CTDP1: variants seen among roughly 807,000 people sequenced by gnomAD.
CTDP1 encodes the protein CTD phosphatase 1, also known as RNA polymerase II subunit A C-terminal domain phosphatase.
Under a neutral mutation model 91.8 loss-of-function variants are expected in CTDP1, and 47 were observed. That is an observed-to-expected ratio of 0.51 (90% confidence interval 0.41 to 0.65). CTDP1 has a LOEUF of 0.65. CTDP1 is among the 30% of genes least tolerant of loss of function. CTDP1 has a pLI of 0.00. For missense variants in CTDP1, 1,272 were observed against 1,373.7 expected, an observed-to-expected ratio of 0.93 and a Z score of 1.17; for synonymous variants, 656 against 598.5, an observed-to-expected ratio of 1.10 and a Z score of -1.40.
chr18:79,749,218 T>A (rs1311890777), intron 12 of CTDP1, among the ~76,000 whole-genome samples: 1 of 152,144 alleles, frequency 6.6e-6, no homozygotes, highest in East Asian at 1.9e-4. Flanking sequence ...AGAAAAGAAT[T>A]GTTGGAACTG....
At chr18:79,750,884 T>C (rs919132517) in intron 12 of CTDP1, among the ~76,000 whole-genome samples, 10 of 150,674 alleles carry the variant, frequency 6.6e-5, no homozygotes, top group African/African-American at 2.5e-4. Flanking sequence ...GGTCCCAGTA[T>C]GTGATGAAAG....
Position 79,715,495 on chromosome 18 carries a change from G to C in CTDP1, c.2035G>C (p.Asp679His). ...TRLVLSPDAPDRATHLIAARA... is the reference protein window; with the variant it reads ...TRLVLSPDAPHRATHLIAARA... ...GCTGGTGCTGAGCCCCGACGCCCCT[G>C]ACAGGGCCACGCACCTGATCGCCGC... The change falls in exon 8 of 13, where the codon GAC becomes CAC. Residue 679 changes from aspartate to histidine, a missense_variant. Asp to His is a moderately conservative substitution (Grantham distance 81). Around this residue, in one of 3 missense-constraint regions of CTDP1, gnomAD observed 881 missense variants for 911.6 expected, o/e 0.97. Coordinates refer to ENST00000613122, the MANE Select transcript of CTDP1 (RefSeq NM_004715.5). 1 of 1,573,592 alleles carries C rather than the reference G, an allele frequency of 6.4e-7. No individual in the cohort carries two copies. Among genetic ancestry groups the C allele is most frequent in the Non-Finnish European group, 8.6e-7 (1 of 1,161,960 alleles).
chr18:79,685,061 G>C, intron 1 of CTDP1, among the ~76,000 whole-genome samples: 1 of 43,482 alleles, frequency 2.3e-5, no homozygotes, highest in Non-Finnish European at 5.0e-5. Flanking sequence ...TGCTCCTTAC[G>C]GGGTGTGAGG....
intron 1 of CTDP1, among the ~76,000 whole-genome samples, chr18:79,688,551 C>T (rs534038512): frequency 6.6e-6 from 1 of 152,290 alleles, no homozygotes; most frequent in South Asian, 2.1e-4. Flanking sequence ...AGGCGTGAGC[C>T]ACCGCGCCCA....
rs575050831 is a variant in CTDP1 at position 79,720,561 on chromosome 18, C to T, written c.2417+2545C>T. ...TAGCGCATTCTGGTGATGATGTCAC[C>T]TCCCATCGTGTCCTGGTGATGTCAC... On this transcript the variant is annotated intron_variant, in intron 10 of 12. Coordinates refer to ENST00000613122, the MANE Select transcript of CTDP1 (RefSeq NM_004715.5). Among the ~76,000 whole-genome samples, 5 of 152,222 alleles carry T rather than the reference C, an allele frequency of 3.3e-5. No individual in the cohort carries two copies. The South Asian group carries it at 1.0e-3, about 32-fold the overall frequency.
chr18:79,742,770 CA>C (rs2086805132), intron 12 of CTDP1, among the ~76,000 whole-genome samples: 2 of 152,232 alleles, frequency 1.3e-5, no homozygotes, highest in South Asian at 4.2e-4. Context: ...CCAACCTGGC[CA>C]ACATGGTGAA....
chr18:79,704,574 ATG>A (rs2085926652), intron 4 of CTDP1, among the ~76,000 whole-genome samples, 191 bp from the exon 5 acceptor site: 1 of 152,158 alleles, frequency 6.6e-6, no homozygotes, highest in African/African-American at 2.4e-5. Flanking sequence ...GGATGGGCAC[ATG>A]TGTGTCTTCA....
At chr18:79,730,659 G>A (rs2122743763) in intron 11 of CTDP1, among the ~76,000 whole-genome samples, 1 of 152,342 alleles carries the variant, frequency 6.6e-6, no homozygotes, top group African/African-American at 2.4e-5. Context: ...AGGCCAGAGG[G>A]TTTTATGTTC....
chr18:79,696,991 A>G (rs2085761649), intron 3 of CTDP1, among the ~76,000 whole-genome samples: 1 of 152,248 alleles, frequency 6.6e-6, no homozygotes, highest in Admixed American at 6.5e-5. Context: ...GTGCTTTTAA[A>G]TGATGGACAC....
At position 79,714,516 on chromosome 18, in the gene CTDP1, C is replaced by G. The variant is rs147146455; in HGVS notation, c.1056C>G (p.Val352=). ...TAAATCATTCTCGAGGCACTGAGGT[C>G]TCAGAGCCATCTCCGCCCGTGAGAG... ...KKVNHSRGTE[V]SEPSPPVRDP... The change falls in exon 8 of 13, where the codon GTC becomes GTG. Residue 352 remains valine (V), a synonymous_variant. Transcript: ENST00000613122. The G allele has an allele frequency of 2.2e-4, 347 of 1,613,178 alleles. No individual in the cohort carries two copies. The highest frequency in any genetic ancestry group is 1.4e-4 in the Non-Finnish European group (160 of 1,180,044).
At chr18:79,744,569 T>C (rs1221474750) in intron 12 of CTDP1, among the ~76,000 whole-genome samples, 2 of 152,198 alleles carry the variant, frequency 1.3e-5, no homozygotes, top group African/African-American at 4.8e-5. Flanking sequence ...GTTCCGCTAA[T>C]ATCAGAGAAG....
chr18:79,738,019 C>CG (rs1345010418), intron 12 of CTDP1, among the ~76,000 whole-genome samples: 3 of 143,148 alleles, frequency 2.1e-5, no homozygotes, highest in African/African-American at 8.8e-5. Flanking sequence ...CGCAGGTCCC[C>CG]GCCTCCCCCC....
intron 12 of CTDP1, among the ~76,000 whole-genome samples, chr18:79,749,292 G>A (rs914658423): frequency 4.6e-5 from 7 of 151,936 alleles, no homozygotes; most frequent in African/African-American, 1.7e-4. Flanking sequence ...CCTGGCTCTC[G>A]TCTGCCCCGT....
intron 11 of CTDP1, among the ~76,000 whole-genome samples, chr18:79,733,642 C>G (rs528363327): frequency 6.6e-6 from 1 of 151,828 alleles, no homozygotes; most frequent in Admixed American, 6.6e-5. Flanking sequence ...CGCTGCCTCT[C>G]CAGCTGCGTT....
chr18:79,679,665 A>T (rs1599169997), upstream of CTDP1: 1 of 519,030 alleles, frequency 1.9e-6, no homozygotes, highest in East Asian at 4.9e-5. Flanking sequence ...GGTAGGGCTC[A>T]GGAACGCAGT....
At chr18:79,712,675 C>G (rs886692409) in intron 6 of CTDP1, among the ~76,000 whole-genome samples, 1 of 152,206 alleles carries the variant, frequency 6.6e-6, no homozygotes. Context: ...CACGCCCACA[C>G]GGTCAGAGTT....
chr18:79,708,544 G>A (rs910364845), intron 5 of CTDP1, among the ~76,000 whole-genome samples: 3 of 152,348 alleles, frequency 2.0e-5, no homozygotes, highest in East Asian at 3.9e-4. Context: ...AGTGGACCCC[G>A]TGTGCCATGC....
chr18:79,706,221 G>A (rs944589694), intron 5 of CTDP1, among the ~76,000 whole-genome samples: 1 of 152,174 alleles, frequency 6.6e-6, no homozygotes, highest in Non-Finnish European at 1.5e-5. Context: ...GTCGGACGCC[G>A]GCCTCCAGAA....
intron 1 of CTDP1, among the ~76,000 whole-genome samples, chr18:79,689,408 C>T (rs1362058898): frequency 6.6e-6 from 1 of 152,184 alleles, no homozygotes; most frequent in Non-Finnish European, 1.5e-5. Flanking sequence ...CTGCTTGAAT[C>T]GCTTCATTTC....
Sources: allele counts gnomAD v4.1 joint callset (sites outside exome capture counted in the v4.1 genomes callset), GRCh38; gene constraint gnomAD v4.1.1; regional missense constraint gnomAD v4.1.1; transcripts MANE v1.5; gene names NCBI Gene and HGNC (gene_info 2026-07-23, HGNC 2026-07-21).